The following ZEB1 variants were observed in gnomAD, a reference collection of about 807,000 sequenced individuals.
The protein encoded by ZEB1 is zinc finger E-box binding homeobox 1.
In ZEB1, 21 loss-of-function variants were observed where a neutral mutation model predicts 84.9. The ratio of observed to expected loss-of-function variants is 0.25; its 90% confidence interval spans 0.18 to 0.36. ZEB1 has a LOEUF of 0.36. Among genes scored for constraint, ZEB1 ranks in the 10% least tolerant of loss-of-function variants. The probability of loss-of-function intolerance (pLI) is 1.00; values close to 1 mark genes in which losing one functional copy is unlikely to be tolerated. For missense variants in ZEB1, 1,104 were observed against 1,330.2 expected (o/e 0.83, Z 2.65); for synonymous variants, 420 against 471.1 (o/e 0.89, Z 1.41).
At chr10:31,438,629 G>T (rs990569492) in intron 1 of ZEB1, among the ~76,000 whole-genome samples, 2 of 152,010 alleles carry the variant, frequency 1.3e-5, no homozygotes, top group Non-Finnish European at 2.9e-5. Flanking sequence ...TGAGGCCAGG[G>T]GCTCAAGACC....
chr10:31,382,020 A>C (rs946860878), intron 1 of ZEB1, among the ~76,000 whole-genome samples: 11 of 150,890 alleles, frequency 7.3e-5, no homozygotes, highest in Admixed American at 2.6e-4. Flanking sequence ...AAAAAAAAAA[A>C]AAAAAAAAAA....
chr10:31,412,920 A>G (rs1426160226), intron 1 of ZEB1, among the ~76,000 whole-genome samples: 1 of 152,214 alleles, frequency 6.6e-6, no homozygotes, highest in East Asian at 1.9e-4. Context: ...GAGGCCCTAT[A>G]TAAAGCCAGC....
At chr10:31,474,674 C>G (rs1409939152) in intron 2 of ZEB1, among the ~76,000 whole-genome samples, 3 of 152,136 alleles carry the variant, frequency 2.0e-5, no homozygotes, top group African/African-American at 4.8e-5. Flanking sequence ...GGATCTAGAA[C>G]TAGAAATACC....
At chr10:31,347,812 A>G (rs2040581972) in intron 1 of ZEB1, among the ~76,000 whole-genome samples, 1 of 152,194 alleles carries the variant, frequency 6.6e-6, no homozygotes, top group African/African-American at 2.4e-5. Context: ...ATAGAATCCC[A>G]GGAGTAGAAT....
intron 1 of ZEB1, among the ~76,000 whole-genome samples, chr10:31,443,522 A>T (rs552859370): frequency 2.0e-5 from 3 of 146,616 alleles, no homozygotes; most frequent in Admixed American, 2.0e-4. Flanking sequence ...CTAACTCGTC[A>T]TCTAGCATTA....
At chr10:31,512,111 C>T (rs2070172524) in intron 5 of ZEB1, among the ~76,000 whole-genome samples, 1 of 152,012 alleles carries the variant, frequency 6.6e-6, no homozygotes. Flanking sequence ...GAGAGACCAG[C>T]AGAAGAGTAT....
Position 31,524,034 on chromosome 10 carries a change from T to C in ZEB1, c.2706T>C (p.Asn902=), listed in dbSNP as rs147142042. ...PPKKKMRKTE[N]GMYACDLCDK... ...AAAAGAAAATGCGGAAGACAGAAAA[T>C]GGAATGTATGCTTGTGATTTGTGTG... The change falls in exon 8 of 9, where the codon AAT becomes AAC. Residue 902 remains asparagine, a synonymous_variant. Coordinates refer to ENST00000424869, the MANE Select transcript of ZEB1 (RefSeq NM_001174096.2). 696 of 1,613,896 alleles carry C rather than the reference T, an allele frequency of 4.3e-4. No homozygotes were observed. The highest frequency in any genetic ancestry group is 9.9e-4 in the Middle Eastern group (6 of 6,058).
upstream of ZEB1, chr10:31,318,917 T>C: frequency 2.3e-6 from 1 of 432,280 alleles, no homozygotes; most frequent in Non-Finnish European, 4.4e-6. Context: ...CGACAGCCCG[T>C]CGCCTTTCTG....
At chr10:31,434,390 T>G (rs1375496338) in intron 1 of ZEB1, among the ~76,000 whole-genome samples, 3 of 152,194 alleles carry the variant, frequency 2.0e-5, no homozygotes, top group Admixed American at 1.3e-4. Context: ...ATTACTTAAC[T>G]TATTTGGATT....
chr10:31,359,038 A>G (rs891289418), intron 1 of ZEB1, among the ~76,000 whole-genome samples: 3 of 152,162 alleles, frequency 2.0e-5, no homozygotes, highest in African/African-American at 7.2e-5. Flanking sequence ...TTTGCCCCAA[A>G]TCAAGGTAAC....
At chr10:31,334,730 G>T (rs887178036) in intron 1 of ZEB1, among the ~76,000 whole-genome samples, 1 of 151,996 alleles carries the variant, frequency 6.6e-6, no homozygotes, top group Admixed American at 6.6e-5. Context: ...GAATGAAAAT[G>T]GGAATGTTAC....
At chr10:31,432,939 G>A (rs528422509) in intron 1 of ZEB1, among the ~76,000 whole-genome samples, 21 of 152,224 alleles carry the variant, frequency 1.4e-4, no homozygotes, top group Non-Finnish European at 2.6e-4. Context: ...CTATATTCTA[G>A]CTGTTGCAAT....
chr10:31,461,137 T>C lies in ZEB1; in HGVS notation c.159T>C (p.Cys53=). ...EEESVTDAAD[C]EGVPEDDLPT... ...AAAGTGTTACAGATGCAGCTGACTG[T>C]GAAGGTGTACCAGAGGATGACCTGC... Residue 53 remains cysteine (C), a synonymous_variant, in exon 2 of 9, where the codon TGT becomes TGC. Coordinates refer to ENST00000424869, the MANE Select transcript of ZEB1 (RefSeq NM_001174096.2). 2 of 1,613,584 alleles carry C rather than the reference T, an allele frequency of 1.2e-6. No individual in the cohort carries two copies. Among genetic ancestry groups the C allele is most frequent in the Non-Finnish European group, 1.7e-6 (2 of 1,179,742 alleles).
At chr10:31,436,173 T>C (rs2058280969) in intron 1 of ZEB1, among the ~76,000 whole-genome samples, 1 of 152,202 alleles carries the variant, frequency 6.6e-6, no homozygotes, top group Admixed American at 6.5e-5. Context: ...GCATATGCAA[T>C]GGAGAGCCAT....
At chr10:31,362,488 C>T (rs1006681857) in intron 1 of ZEB1, among the ~76,000 whole-genome samples, 17 of 146,188 alleles carry the variant, frequency 1.2e-4, no homozygotes, top group Admixed American at 2.7e-4. Context: ...GACAGGGCGG[C>T]GGCCTGGCGG....
chr10:31,318,675 CT>C, upstream of ZEB1: 1 of 163,178 alleles, frequency 6.1e-6, no homozygotes, highest in Non-Finnish European at 1.4e-5. Context: ...ACCGCGATCC[CT>C]TTCCTTGGCC....
chr10:31,391,463 AT>A (rs904739185), intron 1 of ZEB1, among the ~76,000 whole-genome samples: 1 of 152,116 alleles, frequency 6.6e-6, no homozygotes, highest in African/African-American at 2.4e-5. Flanking sequence ...ATTTACTGTC[AT>A]TTGAAAGCTG....
intron 1 of ZEB1, among the ~76,000 whole-genome samples, chr10:31,418,332 A>G (rs1284394400): frequency 6.6e-6 from 1 of 151,948 alleles, no homozygotes; most frequent in Non-Finnish European, 1.5e-5. Context: ...CACCAAGGGG[A>G]GTTGGAAGAA....
chr10:31,441,272 T>C (rs899524168), intron 1 of ZEB1, among the ~76,000 whole-genome samples: 3 of 152,224 alleles, frequency 2.0e-5, no homozygotes, highest in Non-Finnish European at 4.4e-5. Context: ...AACCATCTGA[T>C]GTTTGACAAA....
Sources: allele counts gnomAD v4.1 joint callset (sites outside exome capture counted in the v4.1 genomes callset), GRCh38; gene constraint gnomAD v4.1.1; transcripts MANE v1.5; gene names NCBI Gene and HGNC (gene_info 2026-07-23, HGNC 2026-07-21).